HSD17B8: variants seen among roughly 807,000 people sequenced by gnomAD.
The protein encoded by HSD17B8 is (3R)-3-hydroxyacyl-CoA dehydrogenase.
Under a neutral mutation model 33.2 loss-of-function variants are expected in HSD17B8, and 23 were observed. The ratio of observed to expected loss-of-function variants is 0.69; its 90% CI spans 0.50 to 0.98. HSD17B8 has a LOEUF of 0.98. Ranked by LOEUF, HSD17B8 falls within the 50% of genes least tolerant of loss-of-function variation. HSD17B8 has a pLI of 0.00. For missense variants in HSD17B8, 345 were observed against 347.5 expected, an observed-to-expected ratio of 0.99 and a Z score of 0.06; for synonymous variants, 137 against 138.6, an observed-to-expected ratio of 0.99 and a Z score of 0.08.
Position 33,206,218 on chromosome 6 carries a change from A to T in HSD17B8, c.694+42A>T. 1 of 1,603,572 alleles carries T rather than the reference A, an allele frequency of 6.2e-7. No homozygotes were observed. Among genetic ancestry groups the T allele is most frequent in the Non-Finnish European group, 8.5e-7 (1 of 1,172,436 alleles). Reference sequence around the variant, plus strand: ...GTGGGGTCCCTGGGAAGGGGGCCTGAATGAAGAGATCCCCAAAGTTTGGGG... The same window carrying T: ...GTGGGGTCCCTGGGAAGGGGGCCTGTATGAAGAGATCCCCAAAGTTTGGGG... On this transcript the variant is annotated intron_variant, in intron 7 of 8. Coordinates refer to ENST00000374662, the MANE Select transcript of HSD17B8 (RefSeq NM_014234.5). The surrounding 1 kb of genome is among the most constrained non-coding windows in gnomAD (Gnocchi z 6.2).
At position 33,204,707 on chromosome 6, in the gene HSD17B8, G is replaced by A; in HGVS notation, c.39G>A (p.Leu13=). Residue 13 remains leucine (L), a synonymous_variant, in exon 1 of 9, where the codon CTG becomes CTA. Coordinates refer to ENST00000374662, the MANE Select transcript of HSD17B8 (RefSeq NM_014234.5). ...SQLQNRLRSA[L]ALVTGAGSGI... ...TCCAGAACCGACTCCGCTCCGCACT[G>A]GCCTTGGTCACAGGTTGAGGGGGTT... 1.2e-6 allele frequency: 2 copies of A among 1,613,068 alleles called. No individual in the cohort carries two copies. Among genetic ancestry groups the A allele is most frequent in the East Asian group, 2.2e-5 (1 of 44,880 alleles).
intron 1 of HSD17B8, 77 bp from the exon 2 acceptor site, chr6:33,204,825 T>A: frequency 6.5e-7 from 1 of 1,542,534 alleles, no homozygotes; most frequent in African/African-American, 1.4e-5. Context: ...TACCCACATT[T>A]TACTTTCTGC....
At position 33,205,001 on chromosome 6, in the gene HSD17B8, CG is replaced by C; in HGVS notation, c.154del (p.Val52CysfsTer73). ...CDLDRAAAQE[T>X]VRLLGGPGSK... The stretch of plus-strand genomic sequence containing the variant: ...CTGGACCGGGCAGCGGCACAGGAGA[CG>C]GTGCGGCTGCTGGGCGGGCCAGGGA... On this transcript the variant is annotated frameshift_variant, in exon 2 of 9. Coordinates refer to ENST00000374662, the MANE Select transcript of HSD17B8 (RefSeq NM_014234.5). LOFTEE classifies it high-confidence loss of function. This position sits in a 1 kb window ranked among gnomAD's most constrained non-coding sequence, Gnocchi z 5.0. 6.7e-7 allele frequency: 1 copy of C among 1,500,484 alleles called. No homozygotes were observed. Among genetic ancestry groups the C allele is most frequent in the Non-Finnish European group, 8.8e-7 (1 of 1,130,602 alleles). 92.9% of individuals were successfully genotyped at this position (1,500,484 alleles called of 1,614,324 possible).
chr6:33,205,493 A>G lies in HSD17B8; in HGVS notation c.434A>G (p.Asn145Ser), dbSNP rs781558343. The G allele has an allele frequency of 2.0e-5, 32 of 1,612,948 alleles. No individual in the cohort carries two copies. In the Middle Eastern group the frequency reaches 9.9e-4, roughly 50 times the overall value. ...TQAAAQALVS[N>S]GCRGSIINIS... ...GCTGCAGCACAAGCCCTGGTGTCCA[A>G]TGGTTGTCGTGGTTCCATCATCAAC... is the stretch of plus-strand genomic sequence containing the variant. Residue 145 changes from asparagine (N) to serine (S), a missense_variant, in exon 4 of 9, where the codon AAT becomes AGT. Coordinates refer to ENST00000374662, the MANE Select transcript of HSD17B8 (RefSeq NM_014234.5). This position sits in a 1 kb window ranked among gnomAD's most constrained non-coding sequence, Gnocchi z 5.0.
Position 33,205,155 on chromosome 6 carries a change from G to A in HSD17B8, c.270+36G>A, listed in dbSNP as rs110662. Reference sequence around the variant, plus strand: ...GGCCACTTTCCCCCTCTAAAGCTCTGATATTGCCTCCACTGCCCCGGCTTT... The same window carrying A: ...GGCCACTTTCCCCCTCTAAAGCTCTAATATTGCCTCCACTGCCCCGGCTTT... On this transcript the variant is annotated intron_variant, in intron 2 of 8. Coordinates refer to ENST00000374662, the MANE Select transcript of HSD17B8 (RefSeq NM_014234.5). This position sits in a 1 kb window ranked among gnomAD's most constrained non-coding sequence, Gnocchi z 5.0. 0.75 allele frequency: 1,193,872 copies of A among 1,601,016 alleles called. 448,375 individuals carry two copies. Among genetic ancestry groups the A allele is most frequent in the East Asian group, 0.95 (42,420 of 44,814 alleles).
chr6:33,206,019 C>A lies in HSD17B8; in HGVS notation c.651+107C>A, dbSNP rs991128514. 2.8e-6 allele frequency: 4 copies of A among 1,439,324 alleles called. No homozygotes were observed. In the African/African-American group the frequency reaches 4.2e-5, roughly 15 times the overall value. 89.2% of individuals were successfully genotyped at this position (1,439,324 alleles called of 1,614,324 possible). ...AGAGAATACTGGGCACAGTTCCTGG[C>A]AAACATTAAATATTCAATGAATGTA... On this transcript the variant is annotated intron_variant, in intron 6 of 8. Transcript: ENST00000374662. The surrounding 1 kb of genome is among the most constrained non-coding windows in gnomAD (Gnocchi z 6.2).
chr6:33,206,150 C>G lies in HSD17B8; in HGVS notation c.668C>G (p.Pro223Arg), dbSNP rs772307212. 7 of 1,612,850 alleles carry G rather than the reference C, an allele frequency of 4.3e-6. No homozygotes were observed. In the South Asian group the frequency reaches 7.7e-5, roughly 18 times the overall value. The change falls in exon 7 of 9, where the codon CCG becomes CGG. Residue 223 changes from proline (P) to arginine (R), a missense_variant. Coordinates refer to ENST00000374662, the MANE Select transcript of HSD17B8 (RefSeq NM_014234.5). This position sits in a 1 kb window ranked among gnomAD's most constrained non-coding sequence, Gnocchi z 6.2. ...TCCTTACAGATTACTGAAATGATCCCGATGGGACACTTGGGGGACCCTGAG... is the reference window on the plus strand; with the variant it reads ...TCCTTACAGATTACTGAAATGATCCGGATGGGACACTTGGGGGACCCTGAG... ...KVVDKITEMI[P>R]MGHLGDPEDV... is the part of the protein sequence containing the mutation.
Position 33,205,712 on chromosome 6 carries a change from C to A in HSD17B8, c.553C>A (p.Arg185=), listed in dbSNP as rs147822103. Reference sequence around the variant, plus strand: ...GATTGGGCTGACCCAGACCGCAGCCCGGGAGCTTGGACGGTTGGTCAGATG... The same window carrying A: ...GATTGGGCTGACCCAGACCGCAGCCAGGGAGCTTGGACGGTTGGTCAGATG... ...GVIGLTQTAA[R]ELGRHGIRCN... is the part of the protein sequence containing the mutation. Residue 185 remains arginine, a synonymous_variant, in exon 5 of 9, where the codon CGG becomes AGG. Coordinates refer to ENST00000374662, the MANE Select transcript of HSD17B8 (RefSeq NM_014234.5). The surrounding 1 kb of genome is among the most constrained non-coding windows in gnomAD (Gnocchi z 5.0). 1 of 1,613,026 alleles carries A rather than the reference C, an allele frequency of 6.2e-7. No homozygotes were observed. The highest frequency in any genetic ancestry group is 8.5e-7 in the Non-Finnish European group (1 of 1,180,016).
chr6:33,205,041 GC>G lies in HSD17B8; in HGVS notation c.196del (p.Arg66GlufsTer59). Reference sequence around the variant, plus strand: ...GCGGGCCAGGGAGCAAGGAGGGGCCGCCCCGAGGGAACCATGCTGCCTTCCA... The same window carrying G: ...GCGGGCCAGGGAGCAAGGAGGGGCCGCCCGAGGGAACCATGCTGCCTTCCA... Reference protein sequence around the residue: ...LGGPGSKEGPPRGNHAAFQAD... With the variant: ...LGGPGSKEGPXRGNHAAFQAD... On this transcript the variant is annotated frameshift_variant, in exon 2 of 9. Transcript: ENST00000374662. LOFTEE classifies it high-confidence loss of function. The surrounding 1 kb of genome is among the most constrained non-coding windows in gnomAD (Gnocchi z 5.0). 6.5e-7 allele frequency: 1 copy of G among 1,548,086 alleles called. No homozygotes were observed. Among genetic ancestry groups the G allele is most frequent in the Non-Finnish European group, 8.7e-7 (1 of 1,149,690 alleles).
In HSD17B8 at chr6:33,204,937, C is replaced by T. The variant is rs953455532; in HGVS notation, c.88C>T (p.Arg30Cys). The stretch of plus-strand genomic sequence containing the variant: ...CGGCATCGGCCGAGCGGTCAGTGTA[C>T]GCCTGGCCGGAGAGGGGGCCACCGT... ...GSGIGRAVSV[R>C]LAGEGATVAA... Residue 30 changes from arginine (R) to cysteine (C), a missense_variant, in exon 2 of 9, where the codon CGC becomes TGC. Physicochemically the swap from Arg to Cys is radical, Grantham distance 180 (BLOSUM62 -3). Coordinates refer to ENST00000374662, the MANE Select transcript of HSD17B8 (RefSeq NM_014234.5). 9 of 1,465,342 alleles carry T rather than the reference C, an allele frequency of 6.1e-6. No homozygotes were observed. The Admixed American group carries it at 1.6e-4, about 26-fold the overall frequency. 90.8% of individuals were successfully genotyped at this position (1,465,342 alleles called of 1,614,324 possible). A position where few individuals can be genotyped will look rare whatever the true frequency, so the allele number is the denominator to read the frequency against.
chr6:33,206,077 C>G lies in HSD17B8; in HGVS notation c.652-57C>G. ...TGAAGACAAAAAAGGGTCACAGACT[C>G]AGTCTTCAAAAAAATCCATAAAAGA... On this transcript the variant is annotated intron_variant, in intron 6 of 8. Coordinates refer to ENST00000374662, the MANE Select transcript of HSD17B8 (RefSeq NM_014234.5). This position sits in a 1 kb window ranked among gnomAD's most constrained non-coding sequence, Gnocchi z 6.2. The G allele has an allele frequency of 1.3e-6, 2 of 1,565,160 alleles. No homozygotes were observed. The highest frequency in any genetic ancestry group is 1.7e-6 in the Non-Finnish European group (2 of 1,143,964).
rs563634522 is a variant in HSD17B8, at chr6:33,204,738, C to T, written c.52+18C>T. 3.5e-5 allele frequency: 57 copies of T among 1,612,930 alleles called. No individual in the cohort carries two copies. The East Asian group carries it at 1.2e-3, about 35-fold the overall frequency. On this transcript the variant is annotated intron_variant, in intron 1 of 8. Coordinates refer to ENST00000374662, the MANE Select transcript of HSD17B8 (RefSeq NM_014234.5). ...GGTCACAGGTTGAGGGGGTTCTTTC[C>T]CCGGGCGGTTTGGGGTATTGGAGTG...
chr6:33,206,160 C>G lies in HSD17B8; in HGVS notation c.678C>G (p.His226Gln). 1 of 1,612,966 alleles carries G rather than the reference C, an allele frequency of 6.2e-7. No homozygotes were observed. The highest frequency in any genetic ancestry group is 8.5e-7 in the Non-Finnish European group (1 of 1,179,936). The part of the protein sequence containing the change: ...DKITEMIPMG[H>Q]LGDPEDVADV... ...TTACTGAAATGATCCCGATGGGACA[C>G]TTGGGGGACCCTGAGGGTGAGCACT... The change falls in exon 7 of 9, where the codon CAC becomes CAG. Residue 226 changes from histidine to glutamine, a missense_variant. Coordinates refer to ENST00000374662, the MANE Select transcript of HSD17B8 (RefSeq NM_014234.5). This position sits in a 1 kb window ranked among gnomAD's most constrained non-coding sequence, Gnocchi z 6.2.
Position 33,206,202 on chromosome 6 carries a change from C to T in HSD17B8, c.694+26C>T. On this transcript the variant is annotated intron_variant, in intron 7 of 8. Coordinates refer to ENST00000374662, the MANE Select transcript of HSD17B8 (RefSeq NM_014234.5). This position sits in a 1 kb window ranked among gnomAD's most constrained non-coding sequence, Gnocchi z 6.2. ...GTGAGCACTGAATGTAGTGGGGTCC[C>T]TGGGAAGGGGGCCTGAATGAAGAGA... The T allele has an allele frequency of 6.2e-7, 1 of 1,610,548 alleles. No homozygotes were observed.
Position 33,205,771 on chromosome 6 carries a change from AG to A in HSD17B8, c.566+49del, listed in dbSNP as rs1470006312. On this transcript the variant is annotated intron_variant, in intron 5 of 8. Coordinates refer to ENST00000374662, the MANE Select transcript of HSD17B8 (RefSeq NM_014234.5). This position sits in a 1 kb window ranked among gnomAD's most constrained non-coding sequence, Gnocchi z 5.0. Reference sequence around the variant, plus strand: ...TGCTGGGGAGCACCTGGGGGGTCTGAGGGAGGTACCAGCATTCAGCCCTCTC... The same window carrying A: ...TGCTGGGGAGCACCTGGGGGGTCTGAGGAGGTACCAGCATTCAGCCCTCTC... 6.2e-7 allele frequency: 1 copy of A among 1,610,872 alleles called. No homozygotes were observed. Among genetic ancestry groups the A allele is most frequent in the Non-Finnish European group, 8.5e-7 (1 of 1,178,036 alleles).
rs1337322362 is a variant in HSD17B8, at chr6:33,205,817, C to G, written c.567-11C>G. On this transcript the variant is annotated splice_polypyrimidine_tract_variant and intron_variant, in intron 5 of 8. Transcript: ENST00000374662. The surrounding 1 kb of genome is among the most constrained non-coding windows in gnomAD (Gnocchi z 5.0). ...CCTCTCCAGAATCGGCAGCCACTCT[C>G]CTTCCCACAGACATGGGATCCGCTG... 6.2e-7 allele frequency: 1 copy of G among 1,612,488 alleles called. No individual in the cohort carries two copies.
chr6:33,206,447 C>G lies in HSD17B8; in HGVS notation c.767C>G (p.Thr256Ser). ...ATCACAGGGACCTCAGTGGAAGTCA[C>G]TGGTATGAGGCCAGCATGGGGAGGG... ...GYITGTSVEV[T>S]GGLFM Residue 256 changes from threonine to serine, a missense_variant and splice_region_variant, in exon 8 of 9, where the codon ACT becomes AGT. Coordinates refer to ENST00000374662, the MANE Select transcript of HSD17B8 (RefSeq NM_014234.5). The surrounding 1 kb of genome is among the most constrained non-coding windows in gnomAD (Gnocchi z 6.2). 6.2e-7 allele frequency: 1 copy of G among 1,613,310 alleles called. No individual in the cohort carries two copies. The highest frequency in any genetic ancestry group is 8.5e-7 in the Non-Finnish European group (1 of 1,179,300).
In HSD17B8 at chr6:33,205,642, G is replaced by A. The variant is rs778442794; in HGVS notation, c.483G>A (p.Val161=). 1.2e-6 allele frequency: 2 copies of A among 1,613,070 alleles called. No individual in the cohort carries two copies. Among genetic ancestry groups the A allele is most frequent in the Non-Finnish European group, 1.7e-6 (2 of 1,180,008 alleles). The change falls in exon 5 of 9, where the codon GTG becomes GTA. Residue 161 remains valine (V), a splice_region_variant and synonymous_variant. Coordinates refer to ENST00000374662, the MANE Select transcript of HSD17B8 (RefSeq NM_014234.5). This position sits in a 1 kb window ranked among gnomAD's most constrained non-coding sequence, Gnocchi z 5.0. ...IINISSIVGK[V]GNVGQTNYAA... is the part of the protein sequence containing the mutation. ...CCACATCTCTGACTCACCTATAGGT[G>A]GGGAACGTGGGGCAGACAAACTATG...
rs1041323377 is a variant in HSD17B8, at chr6:33,206,563, G to T, written c.770-75G>T. 1.1e-5 allele frequency: 17 copies of T among 1,577,710 alleles called. No individual in the cohort carries two copies. Among genetic ancestry groups the T allele is most frequent in the Non-Finnish European group, 1.4e-5 (16 of 1,147,242 alleles). On this transcript the variant is annotated intron_variant, in intron 8 of 8. Coordinates refer to ENST00000374662, the MANE Select transcript of HSD17B8 (RefSeq NM_014234.5). This position sits in a 1 kb window ranked among gnomAD's most constrained non-coding sequence, Gnocchi z 6.2. ...GAAGGGCAGAGGTTCCCAAGGCCAG[G>T]GACAGAAGTGGGTACCCCCTAGCCC...
Sources: gnomAD v4.1 joint callset for allele counts on GRCh38, gnomAD v4.1.1 for gene constraint, Gnocchi (gnomAD v3.1) non-coding constraint, MANE v1.5 for transcripts, NCBI Gene and HGNC (gene_info 2026-07-23, HGNC 2026-07-21) for gene names.